The following ZNF229 variants were observed in gnomAD, a reference collection of about 807,000 sequenced individuals.
ZNF229 encodes the protein zinc finger protein 229.
Under a neutral mutation model 11.8 loss-of-function variants are expected in ZNF229, and 10 were observed. The observed-to-expected ratio is 0.85, with a 90% CI of 0.52 to 1.44. ZNF229 has a LOEUF of 1.44. Ranked by LOEUF, ZNF229 falls within the 40% of genes most tolerant of loss-of-function variation. ZNF229 has a pLI of 0.00. For missense variants in ZNF229, 1,045 were observed against 1,015.1 expected, an observed-to-expected ratio of 1.03 and a Z score of -0.40; for synonymous variants, 368 against 374.8, an observed-to-expected ratio of 0.98 and a Z score of 0.21.
At chr19:44,446,904 C>A (rs774805407) in intron 2 of ZNF229, among the ~76,000 whole-genome samples, 6 of 152,150 alleles carry the variant, frequency 3.9e-5, no homozygotes, top group Non-Finnish European at 8.8e-5. Flanking sequence ...AACATTAAAT[C>A]AGGTGGTCAG....
chr19:44,445,468 GC>G (rs1971987710), intron 2 of ZNF229, among the ~76,000 whole-genome samples: 1 of 151,992 alleles, frequency 6.6e-6, no homozygotes, highest in African/African-American at 2.4e-5. Flanking sequence ...TTCTCATTCT[GC>G]TCAGCTCTGG....
In ZNF229 at chr19:44,442,961, T is replaced by A; in HGVS notation, c.-114A>T. Reference sequence around the variant, plus strand: ...TTTTCATTCCGGAAACTCTCCAAGCTCTGACAAGTTCCTGTCTCCACCTTT... The same window carrying A: ...TTTTCATTCCGGAAACTCTCCAAGCACTGACAAGTTCCTGTCTCCACCTTT... On this transcript the variant is annotated 5_prime_UTR_variant, in exon 3 of 6. Coordinates refer to ENST00000614049, the MANE Select transcript of ZNF229 (RefSeq NM_014518.4). The A allele has an allele frequency of 8.0e-7, 1 of 1,256,608 alleles. No individual in the cohort carries two copies. The highest frequency in any genetic ancestry group is 1.2e-6 in the Non-Finnish European group (1 of 867,232). The allele number at this position is 1,256,608 out of a possible 1,614,324, so 77.8% of individuals were successfully genotyped here.
intron 4 of ZNF229, among the ~76,000 whole-genome samples, chr19:44,440,513 C>T (rs1217398609): frequency 6.6e-6 from 1 of 151,980 alleles, no homozygotes; most frequent in Non-Finnish European, 1.5e-5. Context: ...CATGAAAATG[C>T]CACACACCCA....
intron 2 of ZNF229, 125 bp downstream of exon 2, chr19:44,447,388 C>A (rs189378907): frequency 6.6e-6 from 1 of 152,112 alleles, no homozygotes; most frequent in Non-Finnish European, 1.5e-5. Context: ...CAAACCTCCC[C>A]CATTTCTAGG....
In ZNF229 at chr19:44,429,247, T is replaced by G; in HGVS notation, c.1534A>C (p.Met512Leu). The G allele has an allele frequency of 6.2e-7, 1 of 1,614,028 alleles. No individual in the cohort carries two copies. Among genetic ancestry groups the G allele is most frequent in the Non-Finnish European group, 8.5e-7 (1 of 1,180,018 alleles). The change falls in exon 6 of 6, where the codon ATG becomes CTG. Residue 512 changes from methionine (M) to leucine (L), a missense_variant. Coordinates refer to ENST00000614049, the MANE Select transcript of ZNF229 (RefSeq NM_014518.4). ...SYLQAHQRVH[M>L]GQHLYKCNVC... ...TTACATTTGTACAGATGCTGCCCCA[T>G]GTGAACTCTCTGGTGAGCTTGAAGG...
Position 44,428,353 on chromosome 19 carries a change from C to G in ZNF229, c.2428G>C (p.Gly810Arg), listed in dbSNP as rs1478880473. 6.2e-7 allele frequency: 1 copy of G among 1,613,932 alleles called. No individual in the cohort carries two copies. Residue 810 changes from glycine (G) to arginine (R), a missense_variant, in exon 6 of 6, where the codon GGT (glycine) becomes CGT (arginine). Physicochemically the swap from Gly to Arg is moderately radical, Grantham distance 125 (BLOSUM62 -2). Transcript: ENST00000614049. ...VCGKGFSYTSGLRNHQRVHLG... is the reference protein window; with the variant it reads ...VCGKGFSYTSRLRNHQRVHLG... The stretch of plus-strand genomic sequence containing the variant: ...TGCACTCTTTGGTGGTTCCGCAGAC[C>G]TGAGGTATAACTGAAGCCTTTCCCA...
intron 2 of ZNF229, among the ~76,000 whole-genome samples, chr19:44,446,403 T>C (rs1375927194): frequency 2.0e-5 from 3 of 152,238 alleles, no homozygotes; most frequent in African/African-American, 7.2e-5. Context: ...TTCAGCCACT[T>C]TGTAGTTATA....
At chr19:44,441,544 C>T (rs1375689058) in intron 4 of ZNF229, among the ~76,000 whole-genome samples, 2 of 151,952 alleles carry the variant, frequency 1.3e-5, no homozygotes, top group Admixed American at 1.3e-4. Flanking sequence ...TTTCCATATC[C>T]CTATATTTTC....
chr19:44,434,499 C>G (rs1971778127), intron 4 of ZNF229, among the ~76,000 whole-genome samples: 1 of 151,676 alleles, frequency 6.6e-6, no homozygotes, highest in African/African-American at 2.4e-5. Flanking sequence ...CGAATGGTGG[C>G]CTGTGTTTTT....
chr19:44,431,880 G>A lies in ZNF229; in HGVS notation c.238+342C>T, dbSNP rs1227698492. 7 of 888,352 alleles carry A rather than the reference G, an allele frequency of 7.9e-6. No individual in the cohort carries two copies. The African/African-American group carries it at 1.1e-4, about 14-fold the overall frequency. 55.0% of individuals were successfully genotyped at this position (888,352 alleles called of 1,614,324 possible). A position where few individuals can be genotyped will look rare whatever the true frequency, so the allele number is the denominator to read the frequency against. ...ATTAGGAGGTGGTGGGTCTTCCGGAGGTAATTAAGTCATGGAGGTGGAACC... is the reference window on the plus strand; with the variant it reads ...ATTAGGAGGTGGTGGGTCTTCCGGAAGTAATTAAGTCATGGAGGTGGAACC... On this transcript the variant is annotated intron_variant, in intron 5 of 5. Coordinates refer to ENST00000614049, the MANE Select transcript of ZNF229 (RefSeq NM_014518.4).
intron 2 of ZNF229, among the ~76,000 whole-genome samples, 151 bp downstream of exon 2, chr19:44,447,362 A>G (rs1003698433): frequency 6.6e-6 from 1 of 152,180 alleles, no homozygotes; most frequent in Non-Finnish European, 1.5e-5. Context: ...CTAAATAAAG[A>G]CACTGGGAAA....
rs149512443 is a variant in ZNF229 at position 44,442,502 on chromosome 19, A to T, written c.93+61T>A. 3.0e-3 allele frequency: 4,725 copies of T among 1,560,636 alleles called. 43 individuals carry two copies. The highest frequency in any genetic ancestry group is 0.023 in the African/African-American group (1,692 of 73,654). On this transcript the variant is annotated intron_variant, in intron 4 of 5. Coordinates refer to ENST00000614049, the MANE Select transcript of ZNF229 (RefSeq NM_014518.4). ...CTCTTTTTCCTTTTACCGAGAAGGG[A>T]CGTATGTTTTCTCTCTGATGCCTAA...
intron 2 of ZNF229, among the ~76,000 whole-genome samples, chr19:44,446,524 AC>A (rs1972005762): frequency 6.6e-6 from 1 of 152,220 alleles, no homozygotes; most frequent in Non-Finnish European, 1.5e-5. Context: ...TCTTTCACAC[AC>A]ACATGCCTAT....
intron 5 of ZNF229, chr19:44,431,635 CATCT>C (rs2123347692): frequency 2.9e-6 from 1 of 345,168 alleles, no homozygotes; most frequent in East Asian, 1.7e-4. Context: ...GCAGAATAAT[CATCT>C]ACAATGCTGC....
intron 4 of ZNF229, among the ~76,000 whole-genome samples, chr19:44,439,209 T>C (rs1201539865): frequency 6.6e-6 from 1 of 152,242 alleles, no homozygotes; most frequent in African/African-American, 2.4e-5. Context: ...CCTGTGATTA[T>C]TGTTGCTGAG....
Position 44,442,914 on chromosome 19 carries a change from G to A in ZNF229, c.-67C>T. 6.3e-7 allele frequency: 1 copy of A among 1,584,604 alleles called. No individual in the cohort carries two copies. Among genetic ancestry groups the A allele is most frequent in the Non-Finnish European group, 8.7e-7 (1 of 1,153,602 alleles). On this transcript the variant is annotated 5_prime_UTR_variant, in exon 3 of 6. Transcript: ENST00000614049. ...TTTATTCTCTGGTTTTCCTAAGCTG[G>A]AGACGCAGAAGATCCAGGCCTTTTT...
chr19:44,433,789 CAG>C (rs1219030198), intron 4 of ZNF229, among the ~76,000 whole-genome samples: 1 of 152,112 alleles, frequency 6.6e-6, no homozygotes, highest in African/African-American at 2.4e-5. Context: ...GTTTTTGAGA[CAG>C]AGTCTTGCTC....
chr19:44,431,924 G>T, intron 5 of ZNF229: 1 of 654,614 alleles, frequency 1.5e-6, no homozygotes, highest in Non-Finnish European at 2.0e-6. Context: ...AGAAATTAGT[G>T]TCCTTAGAAA....
intron 2 of ZNF229, among the ~76,000 whole-genome samples, 198 bp downstream of exon 2, chr19:44,447,315 C>T (rs894241223): frequency 1.3e-5 from 2 of 152,024 alleles, no homozygotes; most frequent in African/African-American, 4.8e-5. Flanking sequence ...CTTTACTGAC[C>T]CAGTGACACA....
Sources: allele counts gnomAD v4.1 joint callset (sites outside exome capture counted in the v4.1 genomes callset), GRCh38; gene constraint gnomAD v4.1.1; transcripts MANE v1.5; gene names NCBI Gene and HGNC (gene_info 2026-07-23, HGNC 2026-07-21).